Variants in TRIM31 observed in about 807,000 individuals in gnomAD.
TRIM31 encodes the protein E3 ubiquitin-protein ligase TRIM31.
A neutral mutation model predicts 40.6 loss-of-function variants in TRIM31; 31 were observed. The observed-to-expected ratio is 0.76, with a 90% CI of 0.57 to 1.03. The LOEUF (loss-of-function observed/expected upper bound fraction) is 1.03, where lower values mean the gene tolerates loss of function less well. Ranked by LOEUF, TRIM31 falls within the 50% of genes least tolerant of loss-of-function variation. The pLI, the probability that TRIM31 is intolerant of heterozygous loss-of-function variation, is 0.00. For synonymous variants in TRIM31, 164 were observed against 193.9 expected, an observed-to-expected ratio of 0.85 and a Z score of 1.28; for missense variants, 455 against 497.5, an observed-to-expected ratio of 0.91 and a Z score of 0.81.
rs758629174 is a variant in TRIM31, at chr6:30,110,560, G to A, written c.632C>T (p.Thr211Met). The change falls in exon 4 of 9, where the codon ACG becomes ATG. Residue 211 changes from threonine (T) to methionine (M), a missense_variant. Coordinates refer to ENST00000376734, the MANE Select transcript of TRIM31 (RefSeq NM_007028.5). ...SRIYWLGHEG[T>M]EAGKHYVAST... ...GGCAACATAGTGTTTCCCCGCTTCC[G>A]TTCCCTCATGACCCAGCCAGTAAAT... The A allele has an allele frequency of 1.2e-5, 20 of 1,613,988 alleles. No homozygotes were observed. The highest frequency in any genetic ancestry group is 1.7e-5 in the Admixed American group (1 of 59,992).
chr6:30,111,868 C>A, intron 2 of TRIM31, 125 bp from the exon 3 acceptor site: 1 of 866,928 alleles, frequency 1.2e-6, no homozygotes, highest in African/African-American at 1.7e-5. Context: ...ATTAAGGACT[C>A]GCCTTTCTCA....
rs1278065396 is a variant in TRIM31 at position 30,103,596 on chromosome 6, C to T, written c.1218G>A (p.Ala406=). The T allele has an allele frequency of 1.9e-6, 3 of 1,612,980 alleles. No homozygotes were observed. The highest frequency in any genetic ancestry group is 2.2e-5 in the East Asian group (1 of 44,898). Residue 406 remains alanine (A), a synonymous_variant, in exon 9 of 9, where the codon GCG becomes GCA. Coordinates refer to ENST00000376734, the MANE Select transcript of TRIM31 (RefSeq NM_007028.5). ...TCGCTGTCAGCCACTCACTCAGTGCCGCATGGAGCTCCTCGGACAGCGCAA... is the reference window on the plus strand; with the variant it reads ...TCGCTGTCAGCCACTCACTCAGTGCTGCATGGAGCTCCTCGGACAGCGCAA... ...FDVALSEELH[A]ALSEWLTAIR... is the part of the protein sequence containing the mutation.
At chr6:30,104,839 C>A (rs1292199412) in intron 7 of TRIM31, among the ~76,000 whole-genome samples, 1 of 152,228 alleles carries the variant, frequency 6.6e-6, no homozygotes, top group Non-Finnish European at 1.5e-5. Context: ...GAGTTTGCCT[C>A]GAAACCTGCT....
At chr6:30,111,199 GT>G (rs1769276726) in intron 3 of TRIM31, 1 of 175,502 alleles carries the variant, frequency 5.7e-6, no homozygotes, top group Admixed American at 5.6e-5. Context: ...CGCCCGGCTA[GT>G]TTTCTTTCTT....
chr6:30,105,124 T>A, intron 7 of TRIM31, 44 bp downstream of exon 7: 1 of 1,561,280 alleles, frequency 6.4e-7, no homozygotes, highest in South Asian at 1.1e-5. Context: ...CTTTTCTCAC[T>A]TTCCCCAAAT....
chr6:30,104,279 G>T, intron 7 of TRIM31, 112 bp from the exon 8 acceptor site: 2 of 1,076,772 alleles, frequency 1.9e-6, no homozygotes, highest in South Asian at 1.3e-5. Context: ...GGTTCTCAGT[G>T]GGACCCATTC....
Position 30,103,396 on chromosome 6 carries a change from C to G in TRIM31, c.*140G>C. The G allele has an allele frequency of 7.8e-7, 1 of 1,275,156 alleles. No individual in the cohort carries two copies. Among genetic ancestry groups the G allele is most frequent in the Non-Finnish European group, 1.1e-6 (1 of 920,270 alleles). The allele number at this position is 1,275,156 out of a possible 1,614,324, so 79.0% of individuals were successfully genotyped here. A position where few individuals can be genotyped will look rare whatever the true frequency, so the allele number is the denominator to read the frequency against. On this transcript the variant is annotated 3_prime_UTR_variant, in exon 9 of 9. Coordinates refer to ENST00000376734, the MANE Select transcript of TRIM31 (RefSeq NM_007028.5). Reference sequence around the variant, plus strand: ...CCGCCCCCATCTCCACTCTCAGTAGCCCGAGCCCTCCCATTCTCCACTCCT... The same window carrying G: ...CCGCCCCCATCTCCACTCTCAGTAGGCCGAGCCCTCCCATTCTCCACTCCT...
rs1562030963 is a variant in TRIM31 at position 30,103,600 on chromosome 6, T to C, written c.1214A>G (p.His405Arg). ...TGTCAGCCACTCACTCAGTGCCGCA[T>C]GGAGCTCCTCGGACAGCGCAACGTC... ...TFDVALSEEL[H>R]AALSEWLTAI... The change falls in exon 9 of 9, where the codon CAT (histidine) becomes CGT (arginine). Residue 405 changes from histidine (H) to arginine (R), a missense_variant. His to Arg is a conservative substitution (Grantham distance 29, BLOSUM62 0). Transcript: ENST00000376734. The C allele has an allele frequency of 1.2e-6, 2 of 1,613,100 alleles. No individual in the cohort carries two copies. The highest frequency in any genetic ancestry group is 2.2e-5 in the East Asian group (1 of 44,878).
At chr6:30,107,082 A>G (rs1483218070) in intron 6 of TRIM31, among the ~76,000 whole-genome samples, 1 of 152,140 alleles carries the variant, frequency 6.6e-6, no homozygotes, top group Non-Finnish European at 1.5e-5. Context: ...CCTGGGCAAT[A>G]AGAGCAAAAC....
chr6:30,107,965 T>A, intron 6 of TRIM31, 88 bp downstream of exon 6: 1 of 888,212 alleles, frequency 1.1e-6, no homozygotes, highest in Non-Finnish European at 1.8e-6. Flanking sequence ...TGTTGGCATG[T>A]ATGAGTCACA....
chr6:30,112,746 C>G lies in TRIM31; in HGVS notation c.60G>C (p.Leu20=), dbSNP rs1562052245. ...LQEEVICPIC[L]DILQKPVTID... ...TGGTGACAGGTTTCTGCAGAATGTC[C>G]AGGCAGATGGGGCAGATCACTTCCT... Residue 20 remains leucine (L), a synonymous_variant, in exon 2 of 9, where the codon CTG becomes CTC. Transcript: ENST00000376734. 1 of 1,612,986 alleles carries G rather than the reference C, an allele frequency of 6.2e-7. No individual in the cohort carries two copies.
Position 30,109,052 on chromosome 6 carries a change from G to C in TRIM31, c.745-4C>G. 1 of 1,613,004 alleles carries C rather than the reference G, an allele frequency of 6.2e-7. No individual in the cohort carries two copies. ...TGCACAAGACGACTTTGATATCCTA[G>C]AAGAGAAAGAGAAACAGCACAGCCT... On this transcript the variant is annotated splice_region_variant and splice_polypyrimidine_tract_variant and intron_variant, in intron 4 of 8. Transcript: ENST00000376734.
At chr6:30,110,871 C>T (rs1478837492) in intron 3 of TRIM31, among the ~76,000 whole-genome samples, 193 bp from the exon 4 acceptor site, 1 of 152,134 alleles carries the variant, frequency 6.6e-6, no homozygotes, top group African/African-American at 2.4e-5. Flanking sequence ...CAGCTTTAAG[C>T]GAAATTATTA....
Position 30,103,672 on chromosome 6 carries a change from T to C in TRIM31, c.1142A>G (p.Asp381Gly). Residue 381 changes from aspartate to glycine, a missense_variant, in exon 9 of 9, where the codon GAT becomes GGT. By Grantham distance (94) the Asp-to-Gly change is moderately conservative (BLOSUM62 -1). Coordinates refer to ENST00000376734, the MANE Select transcript of TRIM31 (RefSeq NM_007028.5). ...GCTCGCTCCTTGACCAGAAATCTCA[T>C]CATAAGAGGCCAGGAGACATACTGG... ...TFPVCLLASY[D>G]EISGQGASSQ... The C allele has an allele frequency of 6.2e-7, 1 of 1,612,906 alleles. No individual in the cohort carries two copies. The highest frequency in any genetic ancestry group is 8.5e-7 in the Non-Finnish European group (1 of 1,180,020).
chr6:30,103,561 C>A lies in TRIM31; in HGVS notation c.1253G>T (p.Trp418Leu), dbSNP rs1428825350. 1 of 1,612,602 alleles carries A rather than the reference C, an allele frequency of 6.2e-7. No individual in the cohort carries two copies. The highest frequency in any genetic ancestry group is 8.5e-7 in the Non-Finnish European group (1 of 1,179,808). Residue 418 changes from tryptophan (W) to leucine (L), a missense_variant, in exon 9 of 9, where the codon TGG becomes TTG. Transcript: ENST00000376734. Reference protein sequence around the residue: ...LSEWLTAIRAWFCEVPSS With the variant: ...LSEWLTAIRALFCEVPSS The stretch of plus-strand genomic sequence containing the variant: ...TTAGCTTGAAGGAACCTCACAAAAC[C>A]AAGCCCGGATCGCTGTCAGCCACTC...
chr6:30,104,643 A>G (rs1417931010), intron 7 of TRIM31, among the ~76,000 whole-genome samples: 1 of 152,254 alleles, frequency 6.6e-6, no homozygotes, highest in African/African-American at 2.4e-5. Context: ...GTTGCAGATA[A>G]TAACACCTAT....
At position 30,112,453 on chromosome 6, in the gene TRIM31, C is replaced by G. The variant is rs779084186; in HGVS notation, c.353G>C (p.Arg118Pro). ...DDGKFLCFVCRESKDHKSHNV... is the reference protein window; with the variant it reads ...DDGKFLCFVCPESKDHKSHNV... ...ATGGGATTTGTGGTCCTTGGATTCA[C>G]GACACACAAAACAGAGGAACTTCCC... Residue 118 changes from arginine to proline, a missense_variant, in exon 2 of 9, where the codon CGT (arginine) becomes CCT (proline). By Grantham distance (103) the Arg-to-Pro change is moderately radical. Transcript: ENST00000376734. 34 of 1,613,084 alleles carry G rather than the reference C, an allele frequency of 2.1e-5. No homozygotes were observed. The highest frequency in any genetic ancestry group is 2.9e-5 in the Non-Finnish European group (34 of 1,180,022).
chr6:30,108,868 G>A, intron 5 of TRIM31, 158 bp downstream of exon 5: 1 of 767,436 alleles, frequency 1.3e-6, no homozygotes, highest in East Asian at 2.6e-5. Context: ...AATATGGTTG[G>A]CATAGGCATT....
intron 8 of TRIM31, 78 bp downstream of exon 8, chr6:30,104,024 A>T: frequency 1.4e-6 from 2 of 1,458,092 alleles, no homozygotes; most frequent in South Asian, 1.2e-5. Flanking sequence ...TATTCCATTT[A>T]GTGGAATTGG....
Sources: gnomAD v4.1 joint callset for allele counts (sites outside exome capture counted in the v4.1 genomes callset) on GRCh38, gnomAD v4.1.1 for gene constraint, MANE v1.5 for transcripts, NCBI Gene and HGNC (gene_info 2026-07-23, HGNC 2026-07-21) for gene names.